REC114: variants seen among roughly 807,000 people sequenced by gnomAD.
REC114 encodes REC114 meiotic recombination protein.
A neutral mutation model predicts 31.3 loss-of-function variants in REC114; 27 were observed. The observed-to-expected ratio is 0.86, with a 90% CI of 0.64 to 1.19. REC114 has a LOEUF of 1.19. Ranked by LOEUF, REC114 falls within the 50% of genes most tolerant of loss-of-function variation. REC114 has a pLI of 0.00. For synonymous variants in REC114, 134 were observed against 127.7 expected (o/e 1.05, Z -0.33); for missense variants, 344 against 326.9 (o/e 1.05, Z -0.40).
chr15:73,451,106 G>A (rs1004510166), intron 1 of REC114, among the ~76,000 whole-genome samples: 1 of 152,106 alleles, frequency 6.6e-6, no homozygotes, highest in Non-Finnish European at 1.5e-5. Flanking sequence ...AAATTCAAAA[G>A]CTAGCAGAAG....
Position 73,490,865 on chromosome 15 carries a change from ACTTTCTGTCTG to A in REC114, c.249+16952_249+16962del, listed in dbSNP as rs2141302526. 1.3e-5 allele frequency among the ~76,000 whole-genome samples: 2 copies of A among 152,150 alleles called. 1 individual carries two copies. Among genetic ancestry groups the A allele is most frequent in the South Asian group, 4.2e-4 (2 of 4,814 alleles). ...TGCCCACCTTCATCCCCAGAGAACT[ACTTTCTGTCTG>A]CTTTCTGGCACTACAGATTAGTTTT... On this transcript the variant is annotated intron_variant, in intron 2 of 5. Transcript: ENST00000331090.
intron 2 of REC114, among the ~76,000 whole-genome samples, chr15:73,507,753 G>A (rs181548062): frequency 4.5e-4 from 68 of 152,160 alleles, no homozygotes; most frequent in Admixed American, 2.0e-3. Context: ...ACAAATTTTT[G>A]TTTTAACAAA....
intron 2 of REC114, among the ~76,000 whole-genome samples, chr15:73,531,824 C>T (rs1475553358): frequency 6.6e-6 from 1 of 152,150 alleles, no homozygotes; most frequent in Non-Finnish European, 1.5e-5. Context: ...TATTTCTACT[C>T]CATCCCTGTG....
chr15:73,465,723 C>T (rs936542857), intron 1 of REC114, among the ~76,000 whole-genome samples: 1 of 152,116 alleles, frequency 6.6e-6, no homozygotes. Flanking sequence ...AAATATTATG[C>T]AGCGGACATT....
chr15:73,524,834 A>T (rs925235028), intron 2 of REC114, among the ~76,000 whole-genome samples: 1 of 152,176 alleles, frequency 6.6e-6, no homozygotes, highest in African/African-American at 2.4e-5. Flanking sequence ...CCTGGCTTCA[A>T]TTGATCTGCC....
intron 1 of REC114, among the ~76,000 whole-genome samples, chr15:73,466,307 C>T (rs1207225060): frequency 6.6e-6 from 1 of 151,982 alleles, no homozygotes; most frequent in Admixed American, 6.6e-5. Context: ...GTAATCCCAA[C>T]ACTTTGGGAG....
chr15:73,483,827 CAGGCCCCTTCAGTTGGAAGG>C (rs1298022067), intron 2 of REC114: 2 of 152,314 alleles, frequency 1.3e-5, no homozygotes, highest in Non-Finnish European at 2.9e-5. Context: ...GAGGAGACTG[CAGGCCCCTTCAGTTGGAAGG>C]AAGCCTGGCA....
In REC114 at chr15:73,491,770, C is replaced by T. The variant is rs568928892; in HGVS notation, c.249+17849C>T. ...TAAAAATTAGCCAGGCCCGGTGGCACATGCCTGTAAGCCCAGCTACTTGGG... is the reference window on the plus strand; with the variant it reads ...TAAAAATTAGCCAGGCCCGGTGGCATATGCCTGTAAGCCCAGCTACTTGGG... On this transcript the variant is annotated intron_variant, in intron 2 of 5. Coordinates refer to ENST00000331090, the MANE Select transcript of REC114 (RefSeq NM_001042367.2). Among the ~76,000 whole-genome samples the T allele has an allele frequency of 3.3e-5, 5 of 152,222 alleles. No individual in the cohort carries two copies. The South Asian group carries it at 6.2e-4, about 19-fold the overall frequency.
intron 2 of REC114, among the ~76,000 whole-genome samples, chr15:73,497,355 TTATTTATTTATG>T (rs1893542895): frequency 6.6e-6 from 1 of 152,208 alleles, no homozygotes; most frequent in African/African-American, 2.4e-5. Context: ...CCCTTTTCCC[TTATTTATTTATG>T]TATTTATTTG....
In REC114 at chr15:73,540,580, G is replaced by A; in HGVS notation, c.333+12G>A. ...GAACAACGATAAAGGCAAGATTTAA[G>A]CTAATGATCACACTCTTCTCATCTT... On this transcript the variant is annotated intron_variant, in intron 3 of 5. Coordinates refer to ENST00000331090, the MANE Select transcript of REC114 (RefSeq NM_001042367.2). 6.2e-7 allele frequency: 1 copy of A among 1,604,636 alleles called. No homozygotes were observed. The highest frequency in any genetic ancestry group is 8.5e-7 in the Non-Finnish European group (1 of 1,171,334).
chr15:73,508,440 T>C (rs1020964832), intron 2 of REC114, among the ~76,000 whole-genome samples: 1 of 151,568 alleles, frequency 6.6e-6, no homozygotes, highest in African/African-American at 2.4e-5. Context: ...TTTTTTTCTT[T>C]TTTAATTTTT....
At chr15:73,488,860 G>C (rs1366685124) in intron 2 of REC114, among the ~76,000 whole-genome samples, 1 of 151,982 alleles carries the variant, frequency 6.6e-6, no homozygotes, top group Non-Finnish European at 1.5e-5. Flanking sequence ...ATTCCAGCCT[G>C]TACCCATTAC....
At chr15:73,463,764 T>C (rs1243650343) in intron 1 of REC114, among the ~76,000 whole-genome samples, 1 of 151,330 alleles carries the variant, frequency 6.6e-6, no homozygotes, top group Non-Finnish European at 1.5e-5. Flanking sequence ...GAGGTTTCAG[T>C]GAGCCAAGAT....
rs958654433 is a variant in REC114 at position 73,523,544 on chromosome 15, T to C, written c.250-16941T>C. Among the ~76,000 whole-genome samples, 18 of 152,230 alleles carry C rather than the reference T, an allele frequency of 1.2e-4. 1 individual carries two copies. The highest frequency in any genetic ancestry group is 1.9e-4 in the Non-Finnish European group (13 of 68,034). ...GTCTGCCTATGAAGCTAGGTTACAG[T>C]TCATCCACAAGGACACAAATGTAGA... On this transcript the variant is annotated intron_variant, in intron 2 of 5. Transcript: ENST00000331090.
At chr15:73,509,847 C>G (rs1434488170) in intron 2 of REC114, among the ~76,000 whole-genome samples, 1 of 151,992 alleles carries the variant, frequency 6.6e-6, no homozygotes, top group Non-Finnish European at 1.5e-5. Context: ...TACTGTAGCC[C>G]TGTAGTATAG....
At chr15:73,551,642 C>G (rs1021224465) in intron 4 of REC114, among the ~76,000 whole-genome samples, 2 of 152,160 alleles carry the variant, frequency 1.3e-5, no homozygotes, top group African/African-American at 4.8e-5. Context: ...TCTGCAGTAC[C>G]ATGGCTGTCT....
chr15:73,508,879 A>C (rs1474299659), intron 2 of REC114, among the ~76,000 whole-genome samples: 1 of 151,094 alleles, frequency 6.6e-6, no homozygotes, highest in African/African-American at 2.4e-5. Flanking sequence ...AGTCTTTGCT[A>C]TTGTGAATAA....
At chr15:73,487,667 G>A (rs1398854300) in intron 2 of REC114, among the ~76,000 whole-genome samples, 2 of 152,236 alleles carry the variant, frequency 1.3e-5, no homozygotes, top group Admixed American at 6.5e-5. Context: ...CAGTTCTCAT[G>A]CGTTGGAGTT....
rs199888333 is a variant in REC114, at chr15:73,446,274, CAT to C, written c.159+2931_159+2932del. ...GGATTATACACATACATGTACGTCA[CAT>C]GTGTGCACACATGCATACATGTTTG... is the stretch of plus-strand genomic sequence containing the variant. On this transcript the variant is annotated intron_variant, in intron 1 of 5. Coordinates refer to ENST00000331090, the MANE Select transcript of REC114 (RefSeq NM_001042367.2). Among the ~76,000 whole-genome samples the C allele has an allele frequency of 2.7e-3, 407 of 152,308 alleles. 2 individuals carry two copies. The highest frequency in any genetic ancestry group is 9.4e-3 in the African/African-American group (392 of 41,566).
Sources: gnomAD v4.1 joint callset for allele counts (sites outside exome capture counted in the v4.1 genomes callset) on GRCh38, gnomAD v4.1.1 for gene constraint, MANE v1.5 for transcripts, NCBI Gene and HGNC (gene_info 2026-07-23, HGNC 2026-07-21) for gene names.